Variants in CAMK1D observed in about 807,000 individuals in gnomAD.
The protein encoded by CAMK1D is calcium/calmodulin-dependent protein kinase type 1D.
A neutral mutation model predicts 47.7 loss-of-function variants in CAMK1D; 9 were observed. That is an observed-to-expected ratio of 0.19 (90% CI 0.11 to 0.33). The LOEUF (loss-of-function observed/expected upper bound fraction) is 0.33, where lower values mean the gene tolerates loss of function less well. Ranked by LOEUF, CAMK1D falls within the 10% of genes least tolerant of loss-of-function variation. The probability of loss-of-function intolerance (pLI) is 1.00; values close to 1 mark genes in which losing one functional copy is unlikely to be tolerated. For synonymous variants in CAMK1D, 184 were observed against 184.9 expected, an observed-to-expected ratio of 0.99 and a Z score of 0.04; for missense variants, 291 against 488.7, an observed-to-expected ratio of 0.60 and a Z score of 3.81.
chr10:12,764,163 G>T (rs969947757), intron 4 of CAMK1D, among the ~76,000 whole-genome samples: 1 of 152,084 alleles, frequency 6.6e-6, no homozygotes, highest in Non-Finnish European at 1.5e-5. Flanking sequence ...GGTGGATTGC[G>T]TGAGGTCAGG....
rs1017334536 is a variant in CAMK1D, at chr10:12,740,217, C to T, written c.300-20731C>T. On this transcript the variant is annotated intron_variant, in intron 3 of 10. Transcript: ENST00000619168. ...TGCGTGGAAAGGCACCCAGAGGCCA[C>T]CCCATGAAGGAAATGCACAGAGCTT... Among the ~76,000 whole-genome samples, 15 of 152,284 alleles carry T rather than the reference C, an allele frequency of 9.9e-5. 1 individual carries two copies. The highest frequency in any genetic ancestry group is 6.2e-4 in the South Asian group (3 of 4,824).
At chr10:12,349,972 C>G in intron 1 of CAMK1D, 62 bp downstream of exon 1, 2 of 860,506 alleles carry the variant, frequency 2.3e-6, no homozygotes, top group Non-Finnish European at 3.3e-6. Context: ...ACGGGCAGCT[C>G]CAGCTGCCGC....
At chr10:12,358,469 G>A (rs1564291239) in intron 1 of CAMK1D, among the ~76,000 whole-genome samples, 1 of 152,314 alleles carries the variant, frequency 6.6e-6, no homozygotes, top group Non-Finnish European at 1.5e-5. Flanking sequence ...GGAGGCGAAG[G>A]TTGCAGTGGG....
Position 12,692,373 on chromosome 10 carries a change from C to G in CAMK1D, c.299+25563C>G, listed in dbSNP as rs562110995. On this transcript the variant is annotated intron_variant, in intron 3 of 10. Transcript: ENST00000619168. ...TTGGTATATGTTAGGGAAAATATTT[C>G]AGGCCAGTAGGAAAGGTAGATTGTT... Among the ~76,000 whole-genome samples the G allele has an allele frequency of 4.1e-4, 62 of 152,260 alleles. 1 individual carries two copies. The highest frequency in any genetic ancestry group is 1.5e-3 in the African/African-American group (62 of 41,546).
At chr10:12,490,748 G>A (rs1834358606) in intron 1 of CAMK1D, among the ~76,000 whole-genome samples, 1 of 152,164 alleles carries the variant, frequency 6.6e-6, no homozygotes, top group Admixed American at 6.5e-5. Context: ...AGGAGGCTGA[G>A]GCAGGAGAAT....
At chr10:12,493,343 C>T (rs1304085718) in intron 1 of CAMK1D, among the ~76,000 whole-genome samples, 2 of 152,176 alleles carry the variant, frequency 1.3e-5, no homozygotes, top group Admixed American at 1.3e-4. Flanking sequence ...CAGCCTTCCA[C>T]CTTTCAGCGT....
intron 1 of CAMK1D, among the ~76,000 whole-genome samples, chr10:12,505,900 G>C (rs938824783): frequency 6.6e-6 from 1 of 151,940 alleles, no homozygotes; most frequent in Middle Eastern, 3.2e-3. Flanking sequence ...CCAGTCCTCC[G>C]CACATCACAT....
chr10:12,437,820 C>G (rs1832679637), intron 1 of CAMK1D, among the ~76,000 whole-genome samples: 1 of 152,152 alleles, frequency 6.6e-6, no homozygotes, highest in Non-Finnish European at 1.5e-5. Context: ...TGCATATTTT[C>G]CCCTCCCTGT....
intron 1 of CAMK1D, among the ~76,000 whole-genome samples, chr10:12,404,910 A>G (rs1024527933): frequency 2.6e-5 from 4 of 152,010 alleles, no homozygotes; most frequent in Non-Finnish European, 5.9e-5. Flanking sequence ...GCTGGTCTTG[A>G]ACTCCTGACC....
chr10:12,459,940 C>T (rs1266072046), intron 1 of CAMK1D, among the ~76,000 whole-genome samples: 3 of 152,162 alleles, frequency 2.0e-5, no homozygotes, highest in African/African-American at 7.2e-5. Context: ...GGAAAAATAA[C>T]ACAGACTGGG....
chr10:12,437,959 G>T (rs1011164085), intron 1 of CAMK1D, among the ~76,000 whole-genome samples: 1 of 152,176 alleles, frequency 6.6e-6, no homozygotes, highest in Non-Finnish European at 1.5e-5. Context: ...CTGAGAGCTG[G>T]TCACATAGGC....
chr10:12,717,314 T>C (rs1834183517), intron 3 of CAMK1D, among the ~76,000 whole-genome samples: 1 of 152,160 alleles, frequency 6.6e-6, no homozygotes, highest in Non-Finnish European at 1.5e-5. Context: ...TCAGTATAAT[T>C]AGGCTTTCAT....
intron 1 of CAMK1D, among the ~76,000 whole-genome samples, chr10:12,382,357 A>T (rs1459040043): frequency 3.3e-5 from 5 of 152,040 alleles, no homozygotes; most frequent in African/African-American, 1.2e-4. Context: ...GGTATGCATC[A>T]CACTTGTTTA....
At chr10:12,600,678 A>G (rs1448461653) in intron 2 of CAMK1D, among the ~76,000 whole-genome samples, 1 of 152,192 alleles carries the variant, frequency 6.6e-6, no homozygotes, top group African/African-American at 2.4e-5. Context: ...TGTTACATGG[A>G]TCTATTGCGT....
chr10:12,601,865 G>C (rs753584605), intron 2 of CAMK1D, among the ~76,000 whole-genome samples: 3 of 152,240 alleles, frequency 2.0e-5, no homozygotes, highest in African/African-American at 7.2e-5. Context: ...GCTCGTTTCA[G>C]CTCAGCTGGT....
chr10:12,427,233 A>G (rs141163016), intron 1 of CAMK1D, among the ~76,000 whole-genome samples: 507 of 152,238 alleles, frequency 3.3e-3, no homozygotes, highest in Non-Finnish European at 5.6e-3. Flanking sequence ...TGATGGAGGG[A>G]CTGATTCCAG....
At chr10:12,380,018 T>C (rs1336982256) in intron 1 of CAMK1D, among the ~76,000 whole-genome samples, 1 of 151,700 alleles carries the variant, frequency 6.6e-6, no homozygotes, top group Non-Finnish European at 1.5e-5. Context: ...ATCGAGACCA[T>C]CCTGCCTAAC....
chr10:12,615,711 TGTGTA>T (rs1838774108), intron 2 of CAMK1D, among the ~76,000 whole-genome samples: 1 of 131,954 alleles, frequency 7.6e-6, no homozygotes, highest in Admixed American at 7.2e-5. Context: ...TGTCTATAGA[TGTGTA>T]GGTGTGAGTG....
chr10:12,459,654 T>G (rs1374714166), intron 1 of CAMK1D, among the ~76,000 whole-genome samples: 1 of 151,926 alleles, frequency 6.6e-6, no homozygotes, highest in Non-Finnish European at 1.5e-5. Flanking sequence ...GTTTATTTAT[T>G]TATATTTTCT....
Sources: gnomAD v4.1 joint callset for allele counts (sites outside exome capture counted in the v4.1 genomes callset) on GRCh38, gnomAD v4.1.1 for gene constraint, MANE v1.5 for transcripts, NCBI Gene and HGNC (gene_info 2026-07-23, HGNC 2026-07-21) for gene names.